Variants in SLIT2 observed in about 807,000 individuals in gnomAD.
SLIT2 encodes the protein slit homolog 2 protein.
Under a neutral mutation model 185.7 loss-of-function variants are expected in SLIT2, and 41 were observed. The observed-to-expected ratio is 0.22, with a 90% CI of 0.17 to 0.29. SLIT2 has a LOEUF of 0.29. Among genes scored for constraint, SLIT2 ranks in the 10% least tolerant of loss-of-function variants. The pLI is 1.00. For missense variants in SLIT2, 1,571 were observed against 1,909.0 expected, an observed-to-expected ratio of 0.82 and a Z score of 3.30; for synonymous variants, 693 against 680.2, an observed-to-expected ratio of 1.02 and a Z score of -0.29.
intron 4 of SLIT2, among the ~76,000 whole-genome samples, chr4:20,443,132 G>A (rs1158362077): frequency 5.3e-5 from 8 of 152,116 alleles, no homozygotes; most frequent in Admixed American, 3.3e-4. Context: ...AGCATATACT[G>A]TTGCCATTAT....
At chr4:20,580,783 T>G (rs1283802254) in intron 29 of SLIT2, among the ~76,000 whole-genome samples, 2 of 152,156 alleles carry the variant, frequency 1.3e-5, no homozygotes, top group Non-Finnish European at 2.9e-5. Context: ...TCCACTTACA[T>G]CTTGACTCTC....
chr4:20,427,501 T>A (rs1002170276), intron 4 of SLIT2, among the ~76,000 whole-genome samples: 1 of 152,208 alleles, frequency 6.6e-6, no homozygotes, highest in African/African-American at 2.4e-5. Context: ...GGCTGCATTT[T>A]AAAAACCTAT....
At chr4:20,592,551 T>C (rs1727593578) in intron 30 of SLIT2, among the ~76,000 whole-genome samples, 1 of 152,194 alleles carries the variant, frequency 6.6e-6, no homozygotes, top group Non-Finnish European at 1.5e-5. Context: ...CTAATGGTCT[T>C]GAAAAATAGT....
chr4:20,392,599 A>G (rs750635758), intron 4 of SLIT2, among the ~76,000 whole-genome samples: 1 of 152,082 alleles, frequency 6.6e-6, no homozygotes, highest in Non-Finnish European at 1.5e-5. Flanking sequence ...TTGACTCAAG[A>G]TAACACAGCT....
At chr4:20,463,925 A>G (rs1284423256) in intron 4 of SLIT2, among the ~76,000 whole-genome samples, 4 of 151,818 alleles carry the variant, frequency 2.6e-5, no homozygotes, top group African/African-American at 7.3e-5. Context: ...TAGCACTCCA[A>G]ATTGCTCTTT....
chr4:20,326,563 G>T (rs2031140), intron 4 of SLIT2, among the ~76,000 whole-genome samples: 131,790 of 151,750 alleles, frequency 0.87, 57,411 homozygotes, highest in African/African-American at 0.92. Flanking sequence ...TTTTCCTTGG[G>T]TTTTCAACTA....
chr4:20,494,641 T>C (rs1290091999), intron 9 of SLIT2, among the ~76,000 whole-genome samples: 3 of 151,868 alleles, frequency 2.0e-5, no homozygotes, highest in Admixed American at 2.0e-4. Context: ...TAGCCGGGCG[T>C]GGTCGTGGAT....
At chr4:20,409,254 G>A (rs1727012973) in intron 4 of SLIT2, among the ~76,000 whole-genome samples, 1 of 152,102 alleles carries the variant, frequency 6.6e-6, no homozygotes, top group Non-Finnish European at 1.5e-5. Flanking sequence ...CCCTGTGTGT[G>A]TTGTTCCCCA....
chr4:20,367,722 C>A (rs1321558909), intron 4 of SLIT2, among the ~76,000 whole-genome samples: 2 of 152,130 alleles, frequency 1.3e-5, no homozygotes, highest in Admixed American at 6.5e-5. Context: ...AGGTCCCTGA[C>A]CTTGGCCCCT....
At chr4:20,319,497 A>G (rs140448126) in intron 4 of SLIT2, among the ~76,000 whole-genome samples, 201 of 152,300 alleles carry the variant, frequency 1.3e-3, no homozygotes, top group African/African-American at 4.5e-3. Context: ...GATGCATCAT[A>G]TTGATTTTTA....
At chr4:20,277,633 T>TTGTTTA (rs1714296913) in intron 4 of SLIT2, among the ~76,000 whole-genome samples, 2 of 151,220 alleles carry the variant, frequency 1.3e-5, no homozygotes, top group East Asian at 3.9e-4. Flanking sequence ...TCTGCCTCAA[T>TTGTTTA]GTAGGTATTC....
chr4:20,399,562 A>G (rs114933984), intron 4 of SLIT2, among the ~76,000 whole-genome samples: 4 of 151,850 alleles, frequency 2.6e-5, no homozygotes, highest in African/African-American at 9.6e-5. Context: ...TCTCTCCCCT[A>G]TTTTTGTTTA....
intron 6 of SLIT2, among the ~76,000 whole-genome samples, chr4:20,482,099 G>A (rs867804465): frequency 3.2e-4 from 48 of 152,042 alleles, no homozygotes; most frequent in African/African-American, 1.2e-3. Flanking sequence ...AGAATAATTA[G>A]AATGATTTCA....
chr4:20,390,754 A>T (rs1725344228), intron 4 of SLIT2, among the ~76,000 whole-genome samples: 1 of 151,420 alleles, frequency 6.6e-6, no homozygotes, highest in South Asian at 2.1e-4. Context: ...TTAGAAAAAG[A>T]TCTTATTTTT....
chr4:20,352,121 T>C (rs1721931862), intron 4 of SLIT2, among the ~76,000 whole-genome samples: 1 of 152,202 alleles, frequency 6.6e-6, no homozygotes, highest in South Asian at 2.1e-4. Flanking sequence ...ATTTTTCTTT[T>C]GTACAGTCAT....
chr4:20,361,483 C>T (rs1289887102), intron 4 of SLIT2, among the ~76,000 whole-genome samples: 1 of 152,072 alleles, frequency 6.6e-6, no homozygotes, highest in Non-Finnish European at 1.5e-5. Flanking sequence ...TGAATGTTAG[C>T]AGTAGCATTA....
intron 4 of SLIT2, among the ~76,000 whole-genome samples, chr4:20,407,065 A>G (rs1252069520): frequency 1.1e-4 from 17 of 152,194 alleles, no homozygotes. Flanking sequence ...CTTCCTTTAT[A>G]TAAATTTTAT....
intron 3 of SLIT2, among the ~76,000 whole-genome samples, chr4:20,260,571 A>G (rs1167905248): frequency 6.6e-6 from 1 of 151,842 alleles, no homozygotes; most frequent in Non-Finnish European, 1.5e-5. Context: ...TTTCATAGTT[A>G]TACATTTTTC....
chr4:20,600,373 A>G (rs1436608262), intron 33 of SLIT2, among the ~76,000 whole-genome samples: 2 of 143,654 alleles, frequency 1.4e-5, no homozygotes, highest in African/African-American at 5.1e-5. Flanking sequence ...CAAAGGATGG[A>G]GTGTATCTTG....
Sources: allele counts gnomAD v4.1 joint callset (sites outside exome capture counted in the v4.1 genomes callset), GRCh38; gene constraint gnomAD v4.1.1; transcripts MANE v1.5; gene names NCBI Gene and HGNC (gene_info 2026-07-23, HGNC 2026-07-21).